SHISA9: variants seen among roughly 807,000 people sequenced by gnomAD.
SHISA9 encodes protein shisa-9.
SHISA9 carries 13 observed loss-of-function variants against 38.0 expected under a neutral mutation model. The observed-to-expected ratio is 0.34, with a 90% CI of 0.22 to 0.54. The LOEUF is 0.54. Ranked by LOEUF, SHISA9 falls within the 20% of genes least tolerant of loss-of-function variation. The probability of loss-of-function intolerance (pLI) is 0.91; values close to 1 mark genes in which losing one functional copy is unlikely to be tolerated. For missense variants in SHISA9, 538 were observed against 575.8 expected, an observed-to-expected ratio of 0.93 and a Z score of 0.67; for synonymous variants, 275 against 242.0, an observed-to-expected ratio of 1.14 and a Z score of -1.27.
the SHISA9 span, among the ~76,000 whole-genome samples, chr16:13,261,185 C>T: frequency 6.6e-6 from 1 of 152,092 alleles, no homozygotes; most frequent in Non-Finnish European, 1.5e-5. Flanking sequence ...GACCATCTTG[C>T]CTATGCCCAT....
the SHISA9 span, among the ~76,000 whole-genome samples, chr16:13,384,379 C>T: frequency 1.3e-5 from 2 of 152,208 alleles, no homozygotes; most frequent in Non-Finnish European, 2.9e-5. Context: ...GGTAACTCTT[C>T]TCTCTGGCCA....
At chr16:13,257,661 C>G in the SHISA9 span, among the ~76,000 whole-genome samples, 98,894 of 152,040 alleles carry the variant, frequency 0.65, 32,435 homozygotes, top group African/African-American at 0.72. Flanking sequence ...AAATACTCCA[C>G]ATGTCTTTGC....
At chr16:13,301,800 C>T in the SHISA9 span, among the ~76,000 whole-genome samples, 1 of 152,096 alleles carries the variant, frequency 6.6e-6, no homozygotes, top group Non-Finnish European at 1.5e-5. Flanking sequence ...GGAATGAAGC[C>T]AAGATTTGGG....
At chr16:13,211,516 T>C (rs760777536) in intron 3 of SHISA9, among the ~76,000 whole-genome samples, 4 of 152,174 alleles carry the variant, frequency 2.6e-5, no homozygotes, top group Non-Finnish European at 5.9e-5. Flanking sequence ...TTCGTCACAC[T>C]GAAAGTTCCC....
At chr16:13,015,385 T>A (rs776239215) in intron 2 of SHISA9, among the ~76,000 whole-genome samples, 1 of 152,246 alleles carries the variant, frequency 6.6e-6, no homozygotes, top group Non-Finnish European at 1.5e-5. Context: ...TGAAAGGCAA[T>A]GCTGCCATTT....
At chr16:12,907,064 C>T (rs1310976695) in intron 1 of SHISA9, among the ~76,000 whole-genome samples, 1 of 133,038 alleles carries the variant, frequency 7.5e-6, no homozygotes, top group Non-Finnish European at 1.6e-5. Flanking sequence ...CTCCTTCCCT[C>T]CCTCCCTTCC....
the SHISA9 span, among the ~76,000 whole-genome samples, chr16:13,385,997 A>G: frequency 3.4e-4 from 52 of 152,294 alleles, no homozygotes; most frequent in East Asian, 9.8e-3. Flanking sequence ...GGCAAGAGGG[A>G]AGTGTGTGTG....
the SHISA9 span, among the ~76,000 whole-genome samples, chr16:13,484,154 C>T: frequency 3.2e-3 from 480 of 152,080 alleles, 2 homozygotes; most frequent in Non-Finnish European, 4.9e-3. Flanking sequence ...CCCTGCTTGG[C>T]GTGTGGAGGA....
intron 2 of SHISA9, among the ~76,000 whole-genome samples, chr16:13,147,513 G>A (rs935326984): frequency 2.8e-5 from 4 of 144,608 alleles, no homozygotes; most frequent in African/African-American, 1.0e-4. Flanking sequence ...ACCCAGGCTG[G>A]AGTGCAATGG....
the SHISA9 span, among the ~76,000 whole-genome samples, chr16:13,561,959 A>G: frequency 6.6e-6 from 1 of 152,034 alleles, no homozygotes; most frequent in Non-Finnish European, 1.5e-5. Context: ...ATCCAGGGGC[A>G]TCATTGAGAC....
chr16:13,407,561 G>A, the SHISA9 span, among the ~76,000 whole-genome samples: 1 of 152,204 alleles, frequency 6.6e-6, no homozygotes, highest in South Asian at 2.1e-4. Context: ...CATGAACACT[G>A]TTGGTTTCCT....
At chr16:13,424,065 G>A in the SHISA9 span, among the ~76,000 whole-genome samples, 6 of 152,322 alleles carry the variant, frequency 3.9e-5, no homozygotes, top group East Asian at 1.2e-3. Flanking sequence ...AACCATAGAA[G>A]CCATATCCAA....
At chr16:13,522,762 T>C in the SHISA9 span, among the ~76,000 whole-genome samples, 1 of 152,200 alleles carries the variant, frequency 6.6e-6, no homozygotes, top group Non-Finnish European at 1.5e-5. Flanking sequence ...CCCATCACTT[T>C]AAATTAGTTC....
the SHISA9 span, among the ~76,000 whole-genome samples, chr16:13,295,065 C>T: frequency 1.6e-3 from 236 of 152,156 alleles, 1 homozygote; most frequent in African/African-American, 4.3e-3. Flanking sequence ...GTACCTTGTC[C>T]GCAATCACAG....
chr16:13,509,621 A>T, the SHISA9 span, among the ~76,000 whole-genome samples: 2 of 152,352 alleles, frequency 1.3e-5, no homozygotes, highest in Admixed American at 1.3e-4. Flanking sequence ...ATGGATCTCA[A>T]GTATTTTCAC....
the SHISA9 span, among the ~76,000 whole-genome samples, chr16:13,336,192 C>T: frequency 6.6e-6 from 1 of 152,152 alleles, no homozygotes; most frequent in Non-Finnish European, 1.5e-5. Flanking sequence ...TTGAACCTCA[C>T]CAGAACCAAT....
the SHISA9 span, among the ~76,000 whole-genome samples, chr16:13,420,448 T>G: frequency 0.7 from 106,627 of 151,296 alleles, 37,794 homozygotes; most frequent in East Asian, 0.82. Flanking sequence ...TCTAACCCAG[T>G]CTTGGGAGAT....
chr16:13,212,692 C>A (rs2051132015), intron 3 of SHISA9, among the ~76,000 whole-genome samples: 2 of 152,194 alleles, frequency 1.3e-5, no homozygotes, highest in African/African-American at 4.8e-5. Context: ...TTTCCAAACA[C>A]AGAATGTGTG....
chr16:12,907,469 C>T (rs1174673982), intron 1 of SHISA9, among the ~76,000 whole-genome samples: 1 of 151,810 alleles, frequency 6.6e-6, no homozygotes, highest in East Asian at 1.9e-4. Flanking sequence ...CACTTAGTCC[C>T]TAATATCTCA....
Sources: gnomAD v4.1 joint callset for allele counts (sites outside exome capture counted in the v4.1 genomes callset) on GRCh38, gnomAD v4.1.1 for gene constraint, MANE v1.5 for transcripts, NCBI Gene and HGNC (gene_info 2026-07-23, HGNC 2026-07-21) for gene names.